The following BRD10 variants were observed in gnomAD, a reference collection of about 807,000 sequenced individuals.
BRD10 encodes the protein uncharacterized bromodomain-containing protein 10.
the BRD10 span, among the ~76,000 whole-genome samples, chr9:5,953,240 CT>C: frequency 1.6e-4 from 25 of 152,096 alleles, no homozygotes; most frequent in Non-Finnish European, 3.1e-4. Context: ...CCACTTTTAT[CT>C]TTTGGTCATT....
At chr9:5,959,522 G>A in the BRD10 span, among the ~76,000 whole-genome samples, 2 of 152,016 alleles carry the variant, frequency 1.3e-5, no homozygotes, top group African/African-American at 4.8e-5. Context: ...ATGAGTACTC[G>A]GTTTTTTAGA....
At chr9:5,964,126 A>G in the BRD10 span, among the ~76,000 whole-genome samples, 2 of 151,796 alleles carry the variant, frequency 1.3e-5, no homozygotes, top group African/African-American at 4.8e-5. Flanking sequence ...GCAACCCACA[A>G]AATGGGAGAA....
At chr9:5,960,949 A>T in the BRD10 span, among the ~76,000 whole-genome samples, 1 of 152,236 alleles carries the variant, frequency 6.6e-6, no homozygotes, top group Non-Finnish European at 1.5e-5. Context: ...AAAAAAGCAG[A>T]TTGTTAAAAT....
the BRD10 span, chr9:5,910,390 A>G: frequency 6.6e-6 from 1 of 152,236 alleles, no homozygotes; most frequent in Admixed American, 6.5e-5. Context: ...AAATATTAAA[A>G]TATTTCCCCA....
the BRD10 span, chr9:5,899,113 T>C: frequency 2.0e-5 from 3 of 152,182 alleles, no homozygotes; most frequent in Non-Finnish European, 2.9e-5. Context: ...GCATTCTCCA[T>C]AGATCTCGCT....
At chr9:6,002,604 T>C in the BRD10 span, among the ~76,000 whole-genome samples, 1 of 151,810 alleles carries the variant, frequency 6.6e-6, no homozygotes, top group African/African-American at 2.4e-5. Context: ...AAGATTAAAA[T>C]AAAAATTCAT....
At chr9:5,927,265 T>G in the BRD10 span, among the ~76,000 whole-genome samples, 1 of 152,160 alleles carries the variant, frequency 6.6e-6, no homozygotes, top group Admixed American at 6.5e-5. Context: ...TATATTCCTA[T>G]TCTCCATCTC....
chr9:5,937,442 G>C, the BRD10 span, among the ~76,000 whole-genome samples: 1 of 151,362 alleles, frequency 6.6e-6, no homozygotes, highest in African/African-American at 2.4e-5. Context: ...GGCTGAGGCA[G>C]GAGAATCGCT....
chr9:5,937,397 T>G, the BRD10 span, among the ~76,000 whole-genome samples: 1 of 151,304 alleles, frequency 6.6e-6, no homozygotes, highest in South Asian at 2.1e-4. Context: ...TAGCTGGGCG[T>G]GGTGGCACAT....
chr9:6,006,577 A>C, the BRD10 span, among the ~76,000 whole-genome samples: 1 of 152,232 alleles, frequency 6.6e-6, no homozygotes, highest in Admixed American at 6.5e-5. Flanking sequence ...GAATAAACAT[A>C]AATGTATAAA....
At chr9:5,986,595 C>G in the BRD10 span, among the ~76,000 whole-genome samples, 1 of 152,180 alleles carries the variant, frequency 6.6e-6, no homozygotes, top group African/African-American at 2.4e-5. Context: ...GTGTAAAAGC[C>G]TTCCTACTTC....
At chr9:5,970,310 G>A in the BRD10 span, among the ~76,000 whole-genome samples, 2 of 152,070 alleles carry the variant, frequency 1.3e-5, no homozygotes, top group Non-Finnish European at 2.9e-5. Context: ...GAAAATGTCA[G>A]AATACAACAC....
chr9:5,959,665 G>C, the BRD10 span, among the ~76,000 whole-genome samples: 1 of 152,130 alleles, frequency 6.6e-6, no homozygotes, highest in African/African-American at 2.4e-5. Flanking sequence ...AGGGTCTCTA[G>C]TGCTATCACT....
chr9:5,988,694 C>T, the BRD10 span: 2 of 621,346 alleles, frequency 3.2e-6, no homozygotes, highest in South Asian at 4.0e-5. Context: ...TTTATCCTCC[C>T]TACACAATTT....
chr9:5,918,083 A>G, the BRD10 span, among the ~76,000 whole-genome samples: 3 of 152,338 alleles, frequency 2.0e-5, no homozygotes, highest in South Asian at 4.1e-4. Flanking sequence ...CCACTTCCCC[A>G]GGGCTTTCTT....
chr9:5,978,252 T>C, the BRD10 span, among the ~76,000 whole-genome samples: 1 of 152,128 alleles, frequency 6.6e-6, no homozygotes, highest in Non-Finnish European at 1.5e-5. Context: ...AAACACTAGA[T>C]TTCCAAAAGA....
chr9:5,976,611 G>T, the BRD10 span, among the ~76,000 whole-genome samples: 2 of 151,908 alleles, frequency 1.3e-5, no homozygotes, highest in African/African-American at 2.4e-5. Context: ...TCCCTTTTTG[G>T]TTATACATAT....
At chr9:5,950,300 C>T in the BRD10 span, among the ~76,000 whole-genome samples, 2 of 152,044 alleles carry the variant, frequency 1.3e-5, no homozygotes, top group East Asian at 3.9e-4. Flanking sequence ...TGTTTTTCAC[C>T]AGAAGCGACT....
the BRD10 span, chr9:5,929,284 G>T: frequency 3.9e-6 from 2 of 518,976 alleles, no homozygotes; most frequent in Non-Finnish European, 6.8e-6. Context: ...TCAGAAGCTT[G>T]CAGAAAGGGG....
Sources: gnomAD v4.1 joint callset for allele counts (sites outside exome capture counted in the v4.1 genomes callset) on GRCh38, gnomAD v4.1.1 for gene constraint, MANE v1.5 for transcripts, NCBI Gene and HGNC (gene_info 2026-07-23, HGNC 2026-07-21) for gene names.